The following CNTN4 variants were observed in gnomAD, a reference collection of about 807,000 sequenced individuals.
The protein encoded by CNTN4 is contactin 4.
In CNTN4, 77 loss-of-function variants were observed where a neutral mutation model predicts 122.5. The ratio of observed to expected loss-of-function variants is 0.63; its 90% CI spans 0.52 to 0.76. CNTN4 has a LOEUF of 0.76. CNTN4 is among the 30% of genes least tolerant of loss of function. The probability of loss-of-function intolerance (pLI) is 0.00; values close to 1 mark genes in which losing one functional copy is unlikely to be tolerated. For synonymous variants in CNTN4, 512 were observed against 447.0 expected (o/e 1.15, Z -1.83); for missense variants, 1,256 against 1,259.1 (o/e 1.00, Z 0.04).
chr3:2,779,946 T>A (rs1286280789), intron 6 of CNTN4, among the ~76,000 whole-genome samples: 1 of 152,246 alleles, frequency 6.6e-6, no homozygotes, highest in African/African-American at 2.4e-5. Context: ...GATAGTGACA[T>A]AAGAAATTTG....
At chr3:2,992,279 C>A (rs1423396172) in intron 14 of CNTN4, among the ~76,000 whole-genome samples, 1 of 152,162 alleles carries the variant, frequency 6.6e-6, no homozygotes, top group East Asian at 1.9e-4. Flanking sequence ...ATCTGAATTC[C>A]TAAATTTTAC....
intron 7 of CNTN4, among the ~76,000 whole-genome samples, chr3:2,826,915 G>C (rs369636691): frequency 6.6e-6 from 1 of 152,134 alleles, no homozygotes; most frequent in East Asian, 1.9e-4. Context: ...ATTTTCAGCT[G>C]CCTCCTTAGT....
intron 5 of CNTN4, among the ~76,000 whole-genome samples, chr3:2,745,224 T>C (rs2089687852): frequency 6.6e-6 from 1 of 152,178 alleles, no homozygotes; most frequent in Admixed American, 6.5e-5. Context: ...CTATGAGAAA[T>C]CTGTGGCCCG....
chr3:3,032,539 C>T (rs1699258079), intron 16 of CNTN4, among the ~76,000 whole-genome samples: 1 of 152,220 alleles, frequency 6.6e-6, no homozygotes, highest in Non-Finnish European at 1.5e-5. Context: ...CTGCTCTGCC[C>T]TTGCAGCTTT....
chr3:2,478,246 C>T (rs1201479060), intron 3 of CNTN4, among the ~76,000 whole-genome samples: 1 of 152,006 alleles, frequency 6.6e-6, no homozygotes, highest in Non-Finnish European at 1.5e-5. Context: ...ATATCTTTGT[C>T]TGAGATGTGC....
chr3:3,056,352 C>G lies in CNTN4; in HGVS notation c.*132C>G, dbSNP rs946243804. On this transcript the variant is annotated 3_prime_UTR_variant, in exon 25 of 25. Transcript: ENST00000418658. ...ACTGGAATAAAAATGTTTTTTGCTT[C>G]TTTAGGAATGGCATTATACAGTACT... 1 of 745,664 alleles carries G rather than the reference C, an allele frequency of 1.3e-6. No homozygotes were observed. Among genetic ancestry groups the G allele is most frequent in the Non-Finnish European group, 2.3e-6 (1 of 430,284 alleles). 46.2% of individuals were successfully genotyped at this position (745,664 alleles called of 1,614,324 possible). A position where few individuals can be genotyped will look rare whatever the true frequency, so the allele number is the denominator to read the frequency against.
intron 3 of CNTN4, among the ~76,000 whole-genome samples, chr3:2,441,937 C>A (rs939182533): frequency 1.7e-4 from 26 of 152,102 alleles, no homozygotes; most frequent in African/African-American, 5.8e-4. Flanking sequence ...TTCTGATTAA[C>A]CTTCATTTGA....
At chr3:2,284,355 A>G (rs1040182786) in intron 2 of CNTN4, among the ~76,000 whole-genome samples, 5 of 152,116 alleles carry the variant, frequency 3.3e-5, no homozygotes, top group Non-Finnish European at 5.9e-5. Context: ...AATCTATAGT[A>G]TACATATCAA....
chr3:2,849,384 G>A (rs771739514), intron 7 of CNTN4, among the ~76,000 whole-genome samples: 9 of 152,196 alleles, frequency 5.9e-5, no homozygotes, highest in Non-Finnish European at 1.0e-4. Context: ...ACTGAACTGT[G>A]CACTTACAAA....
chr3:2,210,092 C>G (rs1575087830), intron 2 of CNTN4, among the ~76,000 whole-genome samples: 1 of 152,010 alleles, frequency 6.6e-6, no homozygotes. Context: ...TATGTATGTC[C>G]CTGTATCTAT....
intron 3 of CNTN4, among the ~76,000 whole-genome samples, chr3:2,454,069 G>C (rs2048920448): frequency 7.4e-6 from 1 of 134,420 alleles, no homozygotes; most frequent in Non-Finnish European, 1.6e-5. Context: ...TATAAGCAAA[G>C]AACCTGAGGC....
intron 10 of CNTN4, among the ~76,000 whole-genome samples, chr3:2,900,197 C>T (rs1037578209): frequency 2.6e-5 from 4 of 152,120 alleles, no homozygotes; most frequent in East Asian, 1.9e-4. Context: ...GAAGAGGTTA[C>T]GGAAAATATC....
chr3:2,887,051 C>G lies in CNTN4; in HGVS notation c.767C>G (p.Thr256Ser), dbSNP rs200077833. Residue 256 changes from threonine to serine, a missense_variant, in exon 10 of 25, where the codon ACT becomes AGT. Coordinates refer to ENST00000418658, the MANE Select transcript of CNTN4 (RefSeq NM_175607.3). ...ATTCTTGCTATCAGTCCAGTACCAA[C>G]TATTATCTGGCGAAGAGCTGATGGA... ...ECFALGNPVPTIIWRRADGKP... is the reference protein window; with the variant it reads ...ECFALGNPVPSIIWRRADGKP... 10 of 1,613,660 alleles carry G rather than the reference C, an allele frequency of 6.2e-6. No individual in the cohort carries two copies. The highest frequency in any genetic ancestry group is 4.4e-5 in the South Asian group (4 of 91,062).
intron 3 of CNTN4, among the ~76,000 whole-genome samples, chr3:2,449,016 C>G (rs898004792): frequency 2.0e-5 from 3 of 152,112 alleles, no homozygotes; most frequent in African/African-American, 7.2e-5. Flanking sequence ...CTAATTTCCA[C>G]TTCCATAAAA....
chr3:3,007,706 A>G (rs1696795363), intron 14 of CNTN4, among the ~76,000 whole-genome samples: 1 of 152,248 alleles, frequency 6.6e-6, no homozygotes, highest in African/African-American at 2.4e-5. Flanking sequence ...TCTCCATCAC[A>G]CAAGACTGGC....
chr3:2,372,746 G>C (rs1486778542), intron 3 of CNTN4, among the ~76,000 whole-genome samples: 1 of 151,950 alleles, frequency 6.6e-6, no homozygotes, highest in Non-Finnish European at 1.5e-5. Context: ...TGGTAGGTGG[G>C]CTGTAATAAA....
chr3:2,380,938 C>T (rs944081846), intron 3 of CNTN4, among the ~76,000 whole-genome samples: 28 of 151,954 alleles, frequency 1.8e-4, no homozygotes, highest in Non-Finnish European at 4.0e-4. Flanking sequence ...CTGTTATTTT[C>T]TATTGTCTTG....
chr3:2,141,446 TG>T (rs2034991808), intron 2 of CNTN4, among the ~76,000 whole-genome samples: 1 of 152,138 alleles, frequency 6.6e-6, no homozygotes, highest in African/African-American at 2.4e-5. Flanking sequence ...ACAGACTCTC[TG>T]ATAGACCCTC....
At chr3:3,023,473 G>A (rs868005275) in intron 14 of CNTN4, among the ~76,000 whole-genome samples, 1 of 152,162 alleles carries the variant, frequency 6.6e-6, no homozygotes, top group Non-Finnish European at 1.5e-5. Context: ...AGAGGTGAAC[G>A]TTTCTTTAGG....
Sources: allele counts gnomAD v4.1 joint callset (sites outside exome capture counted in the v4.1 genomes callset), GRCh38; gene constraint gnomAD v4.1.1; transcripts MANE v1.5; gene names NCBI Gene and HGNC (gene_info 2026-07-23, HGNC 2026-07-21).